Variants in KBTBD11 observed in about 807,000 individuals in gnomAD.
KBTBD11 encodes kelch repeat and BTB domain containing 11.
For missense variants in KBTBD11, 1,390 were observed against 1,001.8 expected, an observed-to-expected ratio of 1.39 and a Z score of -5.23; for synonymous variants, 747 against 499.0, an observed-to-expected ratio of 1.50 and a Z score of -6.63.
At position 2,006,800 on chromosome 8, in the gene KBTBD11, G is replaced by C. The variant is rs559120102; in HGVS notation, c.*3736G>C. 2 of 167,252 alleles carry C rather than the reference G, an allele frequency of 1.2e-5. No individual in the cohort carries two copies. The highest frequency in any genetic ancestry group is 1.3e-4 in the Admixed American group (2 of 15,310). The allele number at this position is 167,252 out of a possible 1,614,324, so 10.4% of individuals were successfully genotyped here. A position where few individuals can be genotyped will look rare whatever the true frequency, so the allele number is the denominator to read the frequency against. ...CTACACCTGTTGAAGGCCAAGTTCAGGGCAGCTGTTGTGATCTGTGTAGTT... is the reference window on the plus strand; with the variant it reads ...CTACACCTGTTGAAGGCCAAGTTCACGGCAGCTGTTGTGATCTGTGTAGTT... On this transcript the variant is annotated 3_prime_UTR_variant, in exon 2 of 2. Transcript: ENST00000320248.
intron 1 of KBTBD11, among the ~76,000 whole-genome samples, chr8:1,982,315 G>A (rs114604149): frequency 0.019 from 2,946 of 152,214 alleles, 83 homozygotes; most frequent in African/African-American, 0.056. Flanking sequence ...AATCATAAAG[G>A]AAGACAGCAA....
At position 1,973,695 on chromosome 8, in the gene KBTBD11, TCGCAGCCTGGAGCCGGAGCGCTGGCTCCG is replaced by T. The variant is rs1816198735; in HGVS notation, c.-1145_-1117del. 1 of 982,926 alleles carries T rather than the reference TCGCAGCCTGGAGCCGGAGCGCTGGCTCCG, an allele frequency of 1.0e-6. No individual in the cohort carries two copies. Among genetic ancestry groups the T allele is most frequent in the East Asian group, 1.1e-4 (1 of 8,700 alleles). 60.9% of individuals were successfully genotyped at this position (982,926 alleles called of 1,614,324 possible). ...CCTCCCCGCGCCCCGCGCGCGCCCC[TCGCAGCCTGGAGCCGGAGCGCTGGCTCCG>T]CGCGGCCTGGAGAGGCGGAGAGGCC... is the stretch of plus-strand genomic sequence containing the variant. On this transcript the variant is annotated 5_prime_UTR_variant, in exon 1 of 2. Transcript: ENST00000320248.
chr8:1,989,440 T>C (rs1241799979), intron 1 of KBTBD11, among the ~76,000 whole-genome samples: 1 of 152,226 alleles, frequency 6.6e-6, no homozygotes, highest in Non-Finnish European at 1.5e-5. Context: ...TGGACCAAGT[T>C]GACCGCACAC....
At chr8:1,999,317 G>A (rs1817259109) in intron 1 of KBTBD11, among the ~76,000 whole-genome samples, 1 of 152,198 alleles carries the variant, frequency 6.6e-6, no homozygotes, top group African/African-American at 2.4e-5. Flanking sequence ...TAGAACTTTA[G>A]AAGATGCTGG....
chr8:2,003,434 G>C lies in KBTBD11; in HGVS notation c.*370G>C. Reference sequence around the variant, plus strand: ...CAGAGCACCGAGGCTGTGCGCAGGAGCCTGGGACCCTCAAGTAGGTCGCCG... The same window carrying C: ...CAGAGCACCGAGGCTGTGCGCAGGACCCTGGGACCCTCAAGTAGGTCGCCG... On this transcript the variant is annotated 3_prime_UTR_variant, in exon 2 of 2. Transcript: ENST00000320248. 1 of 207,236 alleles carries C rather than the reference G, an allele frequency of 4.8e-6. No individual in the cohort carries two copies. The highest frequency in any genetic ancestry group is 1.1e-5 in the Non-Finnish European group (1 of 95,126). The allele number at this position is 207,236 out of a possible 1,614,324, so 12.8% of individuals were successfully genotyped here.
chr8:1,991,273 G>A (rs1321992373), intron 1 of KBTBD11, among the ~76,000 whole-genome samples: 2 of 152,356 alleles, frequency 1.3e-5, no homozygotes, highest in East Asian at 3.9e-4. Context: ...TATACACACC[G>A]CGTTGAACTC....
At chr8:1,995,541 G>T (rs1817105226) in intron 1 of KBTBD11, among the ~76,000 whole-genome samples, 1 of 152,088 alleles carries the variant, frequency 6.6e-6, no homozygotes, top group African/African-American at 2.4e-5. Context: ...ATCAGGGCTG[G>T]GTGTGAGGAC....
At chr8:1,993,740 C>G (rs1817022694) in intron 1 of KBTBD11, among the ~76,000 whole-genome samples, 1 of 151,854 alleles carries the variant, frequency 6.6e-6, no homozygotes, top group Non-Finnish European at 1.5e-5. Flanking sequence ...ACTTTCTCTG[C>G]AAACACAGAC....
At position 2,003,138 on chromosome 8, in the gene KBTBD11, G is replaced by C. The variant is rs892411948; in HGVS notation, c.*74G>C. ...AGGTCCCTTTGGGCCCGCGGAGGAG[G>C]ACGTGGTGGGGAGTCGGGGCCGCTG... On this transcript the variant is annotated 3_prime_UTR_variant, in exon 2 of 2. Coordinates refer to ENST00000320248, the MANE Select transcript of KBTBD11 (RefSeq NM_014867.3). 7 of 1,248,696 alleles carry C rather than the reference G, an allele frequency of 5.6e-6. No individual in the cohort carries two copies. The African/African-American group carries it at 1.1e-4, about 19-fold the overall frequency. The allele number at this position is 1,248,696 out of a possible 1,614,324, so 77.4% of individuals were successfully genotyped here.
chr8:1,984,675 G>T (rs1190221772), intron 1 of KBTBD11, among the ~76,000 whole-genome samples: 2 of 152,100 alleles, frequency 1.3e-5, no homozygotes, highest in African/African-American at 2.4e-5. Context: ...CGTGTGATAG[G>T]CACTCCAAAC....
intron 1 of KBTBD11, among the ~76,000 whole-genome samples, chr8:1,987,783 G>T (rs933032636): frequency 1.3e-5 from 2 of 151,876 alleles, no homozygotes; most frequent in Non-Finnish European, 2.9e-5. Flanking sequence ...TGCACAACTT[G>T]CAGGTTGGTT....
At chr8:1,974,625 G>C in intron 1 of KBTBD11, 1 of 985,258 alleles carries the variant, frequency 1.0e-6, no homozygotes, top group Non-Finnish European at 1.2e-6. Flanking sequence ...CCGCGCCGCG[G>C]CTCCCGAGTC....
At chr8:1,976,720 A>C (rs1458469321) in intron 1 of KBTBD11, among the ~76,000 whole-genome samples, 1 of 152,202 alleles carries the variant, frequency 6.6e-6, no homozygotes, top group East Asian at 1.9e-4. Flanking sequence ...GTAATAACAC[A>C]CGGAGATGAG....
At position 1,986,546 on chromosome 8, in the gene KBTBD11, C is replaced by G. The variant is rs765566477; in HGVS notation, c.-909+12611C>G. ...TCAGAACTTTAAAAAGGACAAAACA[C>G]GAGTTTTTATTTAGATTCCCGTATT... On this transcript the variant is annotated intron_variant, in intron 1 of 1. Transcript: ENST00000320248. Among the ~76,000 whole-genome samples, 9 of 152,142 alleles carry G rather than the reference C, an allele frequency of 5.9e-5. No individual in the cohort carries two copies. The East Asian group carries it at 1.7e-3, about 29-fold the overall frequency.
chr8:1,991,474 A>G (rs1816914017), intron 1 of KBTBD11, among the ~76,000 whole-genome samples: 1 of 152,090 alleles, frequency 6.6e-6, no homozygotes, highest in Admixed American at 6.5e-5. Flanking sequence ...TCCCATTTTT[A>G]AGTTTTCTGC....
chr8:2,001,659 C>G lies in KBTBD11; in HGVS notation c.467C>G (p.Ala156Gly), dbSNP rs1817365431. ...VSGRRLRAHK[A>G]VLAARSDYFR... Reference sequence around the variant, plus strand: ...GGGCGCCGGCTGCGCGCGCACAAGGCGGTGCTGGCGGCGCGCAGCGACTAC... The same window carrying G: ...GGGCGCCGGCTGCGCGCGCACAAGGGGGTGCTGGCGGCGCGCAGCGACTAC... Residue 156 changes from alanine (A) to glycine (G), a missense_variant, in exon 2 of 2, where the codon GCG becomes GGG. Ala to Gly is a moderately conservative substitution (Grantham distance 60, BLOSUM62 0). Coordinates refer to ENST00000320248, the MANE Select transcript of KBTBD11 (RefSeq NM_014867.3). 2.0e-6 allele frequency: 3 copies of G among 1,468,118 alleles called. No individual in the cohort carries two copies. Among genetic ancestry groups the G allele is most frequent in the South Asian group, 1.3e-5 (1 of 77,728 alleles). 90.9% of individuals were successfully genotyped at this position (1,468,118 alleles called of 1,614,324 possible). A position where few individuals can be genotyped will look rare whatever the true frequency, so the allele number is the denominator to read the frequency against.
intron 1 of KBTBD11, among the ~76,000 whole-genome samples, chr8:1,991,229 A>C (rs1816904065): frequency 6.6e-6 from 1 of 152,222 alleles, no homozygotes; most frequent in Non-Finnish European, 1.5e-5. Flanking sequence ...GCATGTGAGA[A>C]AGCTTGCTAG....
chr8:1,993,446 T>C (rs1419935199), intron 1 of KBTBD11, among the ~76,000 whole-genome samples: 90 of 132,128 alleles, frequency 6.8e-4, no homozygotes, highest in East Asian at 2.3e-3. Flanking sequence ...TCCATCCATC[T>C]ATCCATCCAA....
chr8:1,991,672 G>C (rs1213541958), intron 1 of KBTBD11, among the ~76,000 whole-genome samples: 2 of 152,052 alleles, frequency 1.3e-5, no homozygotes, highest in Non-Finnish European at 2.9e-5. Flanking sequence ...GCTGTGACCT[G>C]CCCAGCCAGG....
Sources: gnomAD v4.1 joint callset for allele counts (sites outside exome capture counted in the v4.1 genomes callset) on GRCh38, gnomAD v4.1.1 for gene constraint, MANE v1.5 for transcripts, NCBI Gene and HGNC (gene_info 2026-07-23, HGNC 2026-07-21) for gene names.